Variants in FERMT2 observed in about 807,000 individuals in gnomAD.
The protein encoded by FERMT2 is fermitin family homolog 2.
FERMT2 carries 15 observed loss-of-function variants against 82.7 expected under a neutral mutation model. The observed-to-expected ratio is 0.18, with a 90% CI of 0.12 to 0.28. The LOEUF (loss-of-function observed/expected upper bound fraction) is 0.28. Among genes scored for constraint, FERMT2 ranks in the 10% least tolerant of loss-of-function variants. The probability of loss-of-function intolerance (pLI) is 1.00; values close to 1 mark genes in which losing one functional copy is unlikely to be tolerated. For missense variants in FERMT2, 645 were observed against 809.4 expected (o/e 0.80, Z 2.46); for synonymous variants, 274 against 271.5 (o/e 1.01, Z -0.09).
intron 2 of FERMT2, among the ~76,000 whole-genome samples, chr14:52,920,620 G>A (rs898321059): frequency 1.3e-5 from 2 of 151,920 alleles, no homozygotes; most frequent in South Asian, 2.1e-4. Flanking sequence ...GCAAGGGAGC[G>A]AGACTCTGTC....
chr14:52,939,822 T>C (rs1275830562), intron 2 of FERMT2, among the ~76,000 whole-genome samples: 1 of 152,246 alleles, frequency 6.6e-6, no homozygotes, highest in Non-Finnish European at 1.5e-5. Context: ...AAGTTATTTT[T>C]AATTTCAAAG....
chr14:52,931,787 C>T (rs556008596), intron 2 of FERMT2, among the ~76,000 whole-genome samples: 6 of 152,134 alleles, frequency 3.9e-5, no homozygotes, highest in Non-Finnish European at 5.9e-5. Flanking sequence ...CCAGCAACTC[C>T]GGGAGGATGA....
chr14:52,865,275 C>G (rs1455322312), intron 10 of FERMT2, among the ~76,000 whole-genome samples: 5 of 152,126 alleles, frequency 3.3e-5, no homozygotes, highest in Non-Finnish European at 5.9e-5. Context: ...GAGCTGAGAT[C>G]GCACCGTTGC....
chr14:52,934,938 A>G (rs1277393961), intron 2 of FERMT2, among the ~76,000 whole-genome samples: 2 of 152,232 alleles, frequency 1.3e-5, no homozygotes, highest in Non-Finnish European at 2.9e-5. Flanking sequence ...AGACTTTGAA[A>G]TAAGTGACAT....
intron 2 of FERMT2, among the ~76,000 whole-genome samples, chr14:52,925,729 C>T (rs970396513): frequency 6.6e-6 from 1 of 152,102 alleles, no homozygotes; most frequent in Admixed American, 6.5e-5. Context: ...ACCTCCACTT[C>T]CCGGGTTCAA....
intron 2 of FERMT2, among the ~76,000 whole-genome samples, 164 bp from the exon 3 acceptor site, chr14:52,919,520 G>A (rs1888822624): frequency 1.3e-5 from 2 of 152,152 alleles, no homozygotes; most frequent in African/African-American, 4.8e-5. Context: ...GAGAAAACAC[G>A]CTCTGTCCTG....
At chr14:52,931,039 CT>C (rs201905797) in intron 2 of FERMT2, among the ~76,000 whole-genome samples, 1,800 of 152,204 alleles carry the variant, frequency 0.012, 53 homozygotes, top group East Asian at 0.073. Flanking sequence ...GTTCTGATCT[CT>C]TTAGTCACTC....
At chr14:52,888,872 T>A (rs1998776) in intron 4 of FERMT2, among the ~76,000 whole-genome samples, 118,098 of 152,114 alleles carry the variant, frequency 0.78, 48,141 homozygotes, top group Non-Finnish European at 0.89. Context: ...ATTTTTTTTT[T>A]CTTTAAGGTA....
intron 6 of FERMT2, among the ~76,000 whole-genome samples, chr14:52,878,922 C>T (rs758663230): frequency 1.1e-4 from 16 of 152,064 alleles, no homozygotes; most frequent in Non-Finnish European, 2.1e-4. Flanking sequence ...TAAAATATGA[C>T]AGAGAATAAT....
At chr14:52,860,135 G>A in intron 13 of FERMT2, 5 of 517,638 alleles carry the variant, frequency 9.7e-6, no homozygotes, top group Non-Finnish European at 1.3e-5. Flanking sequence ...TATTCTCTTA[G>A]TAGTAAAACA....
In FERMT2 at chr14:52,875,300, T is replaced by C; in HGVS notation, c.1021A>G (p.Lys341Glu). 6.2e-7 allele frequency: 1 copy of C among 1,612,218 alleles called. No individual in the cohort carries two copies. The highest frequency in any genetic ancestry group is 8.5e-7 in the Non-Finnish European group (1 of 1,178,368). Reference sequence around the variant, plus strand: ...GCAGCATCAACTTCATCAACTTCTTTGTCACTGTTGTTCAAATGATTCTCT... The same window carrying C: ...GCAGCATCAACTTCATCAACTTCTTCGTCACTGTTGTTCAAATGATTCTCT... ...TSENHLNNSD[K>E]EVDEVDAALS... Residue 341 changes from lysine (K) to glutamate (E), a missense_variant, in exon 8 of 15, where the codon AAA becomes GAA. Physicochemically the swap from Lys to Glu is moderately conservative, Grantham distance 56. Coordinates refer to ENST00000341590, the MANE Select transcript of FERMT2 (RefSeq NM_006832.3).
chr14:52,927,989 T>TAA (rs200772725), intron 2 of FERMT2: 2 of 378,222 alleles, frequency 5.3e-6, no homozygotes, highest in East Asian at 1.5e-4. Flanking sequence ...TAATTCTTTT[T>TAA]TAAAAAAAGA....
At chr14:52,915,224 T>C (rs1211580720) in intron 3 of FERMT2, among the ~76,000 whole-genome samples, 2 of 152,262 alleles carry the variant, frequency 1.3e-5, no homozygotes, top group African/African-American at 2.4e-5. Context: ...ATAACATTAA[T>C]GCATGCATTT....
chr14:52,950,134 C>G (rs1354707368), intron 2 of FERMT2, among the ~76,000 whole-genome samples: 1 of 152,170 alleles, frequency 6.6e-6, no homozygotes, highest in Non-Finnish European at 1.5e-5. Flanking sequence ...TTAACGAGTT[C>G]CCCGGCACAC....
At chr14:52,902,889 A>AAAAAAAAAAAC (rs1566740566) in intron 3 of FERMT2, among the ~76,000 whole-genome samples, 1 of 140,050 alleles carries the variant, frequency 7.1e-6, no homozygotes, top group African/African-American at 2.6e-5. Flanking sequence ...AAAAAAAAAA[A>AAAAAAAAAAAC]AACCCCAAAA....
chr14:52,919,081 TCA>T, intron 3 of FERMT2, 40 bp downstream of exon 3: 1 of 1,384,864 alleles, frequency 7.2e-7, no homozygotes, highest in East Asian at 2.3e-5. Context: ...CATCTGTACA[TCA>T]CATAACTCGT....
intron 3 of FERMT2, among the ~76,000 whole-genome samples, chr14:52,901,088 G>A (rs1887599598): frequency 2.6e-5 from 3 of 115,954 alleles, no homozygotes; most frequent in South Asian, 5.8e-4. Context: ...GTGAAACCCC[G>A]GTCTCTACTA....
rs1471366260 is a variant in FERMT2, at chr14:52,886,368, CTTG to C, written c.527-4902_527-4900del. Among the ~76,000 whole-genome samples, 104 of 151,672 alleles carry C rather than the reference CTTG, an allele frequency of 6.9e-4. 3 individuals are homozygous for C. Among genetic ancestry groups the C allele is most frequent in the Non-Finnish European group, 1.5e-4 (10 of 67,924 alleles). ...ACATGTATTTTTTTAGAGACAGGGT[CTTG>C]CTCTGTTGCCCAGGCTGGAATGCAG... On this transcript the variant is annotated intron_variant, in intron 4 of 14. Transcript: ENST00000341590.
At chr14:52,876,731 C>G (rs1317286035) in intron 7 of FERMT2, among the ~76,000 whole-genome samples, 1 of 152,148 alleles carries the variant, frequency 6.6e-6, no homozygotes, top group African/African-American at 2.4e-5. Flanking sequence ...TTACTTTACA[C>G]AAGGATCCAG....
Sources: allele counts gnomAD v4.1 joint callset (sites outside exome capture counted in the v4.1 genomes callset), GRCh38; gene constraint gnomAD v4.1.1; transcripts MANE v1.5; gene names NCBI Gene and HGNC (gene_info 2026-07-23, HGNC 2026-07-21).